DCDC2C: variants seen among roughly 807,000 people sequenced by gnomAD.
DCDC2C encodes doublecortin domain-containing protein 2C.
DCDC2C carries 44 observed loss-of-function variants against 45.0 expected under a neutral mutation model. The observed-to-expected ratio is 0.98, with a 90% CI of 0.77 to 1.26. The LOEUF (loss-of-function observed/expected upper bound fraction) is 1.26. Among genes scored for constraint, DCDC2C ranks in the 50% most tolerant of loss-of-function variants. DCDC2C has a pLI of 0.00. For missense variants in DCDC2C, 447 were observed against 468.9 expected (o/e 0.95, Z 0.43); for synonymous variants, 187 against 178.8 (o/e 1.05, Z -0.37).
At chr2:3,757,514 T>C (rs570196981) in intron 6 of DCDC2C, among the ~76,000 whole-genome samples, 15 of 152,308 alleles carry the variant, frequency 9.8e-5, no homozygotes, top group African/African-American at 3.1e-4. Flanking sequence ...GACCCTTCAA[T>C]GAACATATCA....
At chr2:3,704,744 G>T (rs1572543762) in intron 1 of DCDC2C, among the ~76,000 whole-genome samples, 1 of 121,568 alleles carries the variant, frequency 8.2e-6, no homozygotes, top group South Asian at 3.4e-4. Flanking sequence ...GGCGTGGGGG[G>T]CAGGGCCTGG....
chr2:3,755,059 A>T (rs1669649587), intron 6 of DCDC2C, among the ~76,000 whole-genome samples: 1 of 152,212 alleles, frequency 6.6e-6, no homozygotes, highest in African/African-American at 2.4e-5. Flanking sequence ...CACTGCATGC[A>T]CATGTGCGTG....
chr2:3,711,717 GATGTA>G (rs10566198), intron 2 of DCDC2C, among the ~76,000 whole-genome samples: 8,506 of 152,142 alleles, frequency 0.056, 829 homozygotes, highest in African/African-American at 0.19. Flanking sequence ...TTTAAACAGT[GATGTA>G]ATGTAATGGA....
chr2:3,726,248 C>T (rs184764338), intron 2 of DCDC2C, among the ~76,000 whole-genome samples: 5 of 152,130 alleles, frequency 3.3e-5, no homozygotes, highest in Admixed American at 6.5e-5. Flanking sequence ...GGGATGTCCT[C>T]GGTGAGCCTC....
intron 1 of DCDC2C, among the ~76,000 whole-genome samples, chr2:3,707,569 T>C (rs1378248843): frequency 6.6e-6 from 1 of 152,256 alleles, no homozygotes; most frequent in Admixed American, 6.5e-5. Context: ...AGAACTCATG[T>C]AATAATATGA....
chr2:3,710,249 G>A (rs1572548415), intron 2 of DCDC2C, among the ~76,000 whole-genome samples: 1 of 152,104 alleles, frequency 6.6e-6, no homozygotes, highest in Non-Finnish European at 1.5e-5. Flanking sequence ...GTGCAGGTTT[G>A]TTCCACAGGT....
intron 10 of DCDC2C, 40 bp downstream of exon 10, chr2:3,785,140 A>G (rs2148181777): frequency 1.6e-6 from 2 of 1,226,376 alleles, no homozygotes; most frequent in South Asian, 8.3e-5. Context: ...TGCGTTTTCT[A>G]TTCTGAAGAC....
chr2:3,755,680 T>G (rs1332488430), intron 6 of DCDC2C, among the ~76,000 whole-genome samples: 2 of 152,098 alleles, frequency 1.3e-5, no homozygotes, highest in African/African-American at 2.4e-5. Context: ...TGTGTGTGGA[T>G]GTGTGTATGG....
intron 9 of DCDC2C, among the ~76,000 whole-genome samples, chr2:3,782,538 G>A (rs760183084): frequency 4.0e-5 from 6 of 151,474 alleles, no homozygotes; most frequent in Admixed American, 6.6e-5. Context: ...GAGTGCAGTG[G>A]TGCTATCTCG....
chr2:3,717,247 C>T (rs969291831), intron 2 of DCDC2C, among the ~76,000 whole-genome samples: 4 of 152,132 alleles, frequency 2.6e-5, no homozygotes, highest in Admixed American at 2.0e-4. Flanking sequence ...AAAGTCAGGA[C>T]CCACATCTCT....
At chr2:3,778,911 T>C (rs1436661297) in intron 9 of DCDC2C, 27 bp downstream of exon 9, 1 of 1,547,018 alleles carries the variant, frequency 6.5e-7, no homozygotes, top group African/African-American at 1.4e-5. Flanking sequence ...TTGTGTTTAA[T>C]GGCTTGGATC....
intron 10 of DCDC2C, among the ~76,000 whole-genome samples, chr2:3,821,023 T>A (rs1319392378): frequency 1.3e-5 from 2 of 152,144 alleles, no homozygotes; most frequent in African/African-American, 4.8e-5. Flanking sequence ...TTTCACCTGG[T>A]TGCAGGCGGG....
chr2:3,792,540 T>C (rs1218346195), intron 10 of DCDC2C, among the ~76,000 whole-genome samples: 1 of 152,240 alleles, frequency 6.6e-6, no homozygotes, highest in Non-Finnish European at 1.5e-5. Context: ...TATAATTATA[T>C]ATATAGTCAA....
chr2:3,769,290 G>C (rs1187242281), intron 7 of DCDC2C, 21 bp from the exon 8 acceptor site: 1 of 1,545,366 alleles, frequency 6.5e-7, no homozygotes, highest in East Asian at 2.5e-5. Flanking sequence ...TCAAAAGTTT[G>C]TCTGTGTGAT....
At chr2:3,722,902 C>T (rs541168594) in intron 2 of DCDC2C, among the ~76,000 whole-genome samples, 28 of 152,024 alleles carry the variant, frequency 1.8e-4, no homozygotes, top group Non-Finnish European at 3.5e-4. Flanking sequence ...GGATAATTTC[C>T]GTTGTTTTGT....
Position 3,741,907 on chromosome 2 carries a change from T to C in DCDC2C, c.417-13T>C. The C allele has an allele frequency of 6.5e-7, 1 of 1,540,510 alleles. No homozygotes were observed. Among genetic ancestry groups the C allele is most frequent in the South Asian group, 1.2e-5 (1 of 81,256 alleles). ...TAAGGTATTAATGGATGCTTTTCTT[T>C]TTATTCTTACAGTGTTTTTACAAAT... On this transcript the variant is annotated splice_polypyrimidine_tract_variant and intron_variant, in intron 3 of 10. Transcript: ENST00000399143.
chr2:3,758,257 C>T (rs1404925449), intron 6 of DCDC2C, among the ~76,000 whole-genome samples: 3 of 152,272 alleles, frequency 2.0e-5, no homozygotes, highest in Middle Eastern at 3.4e-3. Context: ...GTGCATCTGA[C>T]GTCGACAGCG....
chr2:3,750,892 C>T (rs1422473991), intron 4 of DCDC2C, among the ~76,000 whole-genome samples: 2 of 152,196 alleles, frequency 1.3e-5, no homozygotes, highest in Non-Finnish European at 2.9e-5. Flanking sequence ...CTCAGCTCTT[C>T]TTCTGCAGAT....
At chr2:3,743,825 T>C (rs983988892) in intron 4 of DCDC2C, among the ~76,000 whole-genome samples, 2 of 152,188 alleles carry the variant, frequency 1.3e-5, no homozygotes, top group Non-Finnish European at 2.9e-5. Flanking sequence ...CCCAGCACTT[T>C]GGGAGGCCGA....
Sources: gnomAD v4.1 joint callset for allele counts (sites outside exome capture counted in the v4.1 genomes callset) on GRCh38, gnomAD v4.1.1 for gene constraint, MANE v1.5 for transcripts, NCBI Gene and HGNC (gene_info 2026-07-23, HGNC 2026-07-21) for gene names.